SLC12A7: variants seen among roughly 807,000 people sequenced by gnomAD.
SLC12A7 encodes the protein solute carrier family 12 member 7, also known as K-Cl cotransporter 4.
In SLC12A7, 100 loss-of-function variants were observed where a neutral mutation model predicts 120.6. The ratio of observed to expected loss-of-function variants is 0.83; its 90% CI spans 0.71 to 0.98. SLC12A7 has a LOEUF of 0.98. Among genes scored for constraint, SLC12A7 ranks in the 50% least tolerant of loss-of-function variants. The pLI is 0.00. For synonymous variants in SLC12A7, 760 were observed against 678.0 expected, an observed-to-expected ratio of 1.12 and a Z score of -1.88; for missense variants, 1,373 against 1,548.1, an observed-to-expected ratio of 0.89 and a Z score of 1.90.
chr5:1,078,670 C>T, intron 11 of SLC12A7, 31 bp downstream of exon 11: 1 of 1,588,272 alleles, frequency 6.3e-7, no homozygotes, highest in Non-Finnish European at 8.6e-7. Flanking sequence ...AGACTACAGG[C>T]TTTGCACGAA....
At chr5:1,068,521 G>A (rs906374058) in intron 17 of SLC12A7, among the ~76,000 whole-genome samples, 1 of 152,280 alleles carries the variant, frequency 6.6e-6, no homozygotes, top group Non-Finnish European at 1.5e-5. Flanking sequence ...CACGATGGAG[G>A]AGAATACGGC....
At chr5:1,134,197 C>T in the SLC12A7 span, among the ~76,000 whole-genome samples, 1 of 152,144 alleles carries the variant, frequency 6.6e-6, no homozygotes, top group Non-Finnish European at 1.5e-5. Context: ...TGGCTGGGCG[C>T]GGTGGCTCAT....
In SLC12A7 at chr5:1,078,666, C is replaced by G. The variant is rs190520452; in HGVS notation, c.1454+35G>C. 393 of 1,574,170 alleles carry G rather than the reference C, an allele frequency of 2.5e-4. 2 individuals carry two copies. The African/African-American group carries it at 4.5e-3, about 18-fold the overall frequency. On this transcript the variant is annotated intron_variant, in intron 11 of 23. Coordinates refer to ENST00000264930, the MANE Select transcript of SLC12A7 (RefSeq NM_006598.3). Reference sequence around the variant, plus strand: ...TCCTCAGGAAAACCCTTGAAGACTACAGGCTTTGCACGAAAACTGCAGGTG... The same window carrying G: ...TCCTCAGGAAAACCCTTGAAGACTAGAGGCTTTGCACGAAAACTGCAGGTG...
chr5:1,083,924 C>T lies in SLC12A7; in HGVS notation c.950G>A (p.Arg317Gln), dbSNP rs769876235. Residue 317 changes from arginine to glutamine, a missense_variant, in exon 8 of 24, where the codon CGG (arginine) becomes CAG (glutamine). By Grantham distance (43) the Arg-to-Gln change is conservative. Coordinates refer to ENST00000264930, the MANE Select transcript of SLC12A7 (RefSeq NM_006598.3). ...CTTGACGCAGGCATCGAAGCTGCGCCGTGACAGCGTGCGGTTCCCCAGGAG... is the reference window on the plus strand; with the variant it reads ...CTTGACGCAGGCATCGAAGCTGCGCTGTGACAGCGTGCGGTTCCCCAGGAG... Reference protein sequence around the residue: ...VCLLGNRTLSRRSFDACVKAY... With the variant: ...VCLLGNRTLSQRSFDACVKAY... 1.1e-5 allele frequency: 17 copies of T among 1,605,110 alleles called. No individual in the cohort carries two copies. Among genetic ancestry groups the T allele is most frequent in the South Asian group, 4.4e-5 (4 of 90,944 alleles).
chr5:1,074,141 G>A (rs1034135999), intron 16 of SLC12A7, among the ~76,000 whole-genome samples: 14 of 152,074 alleles, frequency 9.2e-5, no homozygotes, highest in African/African-American at 3.1e-4. Context: ...AATGGCCCAG[G>A]ACACACACCT....
At chr5:1,118,596 G>A in the SLC12A7 span, among the ~76,000 whole-genome samples, 1 of 152,260 alleles carries the variant, frequency 6.6e-6, no homozygotes, top group Non-Finnish European at 1.5e-5. Context: ...AAGGTCTTGG[G>A]AAGTTTCCCC....
intron 22 of SLC12A7, among the ~76,000 whole-genome samples, chr5:1,055,990 C>T (rs1451452133): frequency 6.6e-6 from 1 of 152,198 alleles, no homozygotes; most frequent in Non-Finnish European, 1.5e-5. Context: ...AAACATGGCC[C>T]AGGCGGTTAC....
chr5:1,138,852 G>A, the SLC12A7 span, among the ~76,000 whole-genome samples: 2 of 152,186 alleles, frequency 1.3e-5, no homozygotes, highest in Non-Finnish European at 2.9e-5. Flanking sequence ...GGAGCCCCAG[G>A]GTGTCTGTTC....
chr5:1,155,875 C>G, the SLC12A7 span, among the ~76,000 whole-genome samples: 1 of 150,938 alleles, frequency 6.6e-6, no homozygotes, highest in South Asian at 2.1e-4. Flanking sequence ...ATGGTGTCCG[C>G]GACGGCTGCG....
chr5:1,085,100 C>A lies in SLC12A7; in HGVS notation c.917+132G>T, dbSNP rs923740250. The A allele has an allele frequency of 1.5e-5, 20 of 1,313,878 alleles. No homozygotes were observed. In the African/African-American group the frequency reaches 2.5e-4, roughly 17 times the overall value. The allele number at this position is 1,313,878 out of a possible 1,614,324, so 81.4% of individuals were successfully genotyped here. ...CCCAGAACGAGCCCACGGGGGTTCCCGCCACGGTCACACCCAGCCCACCCC... is the reference window on the plus strand; with the variant it reads ...CCCAGAACGAGCCCACGGGGGTTCCAGCCACGGTCACACCCAGCCCACCCC... On this transcript the variant is annotated intron_variant, in intron 7 of 23. Coordinates refer to ENST00000264930, the MANE Select transcript of SLC12A7 (RefSeq NM_006598.3).
At chr5:1,079,021 C>T (rs767615838) in intron 10 of SLC12A7, among the ~76,000 whole-genome samples, 10 of 152,152 alleles carry the variant, frequency 6.6e-5, no homozygotes, top group Non-Finnish European at 1.2e-4. Flanking sequence ...GGTGCTTGAC[C>T]GCCAGGGATT....
Position 1,085,279 on chromosome 5 carries a change from G to T in SLC12A7, c.870C>A (p.Ala290=). 1 of 1,612,584 alleles carries T rather than the reference G, an allele frequency of 6.2e-7. No individual in the cohort carries two copies. Among genetic ancestry groups the T allele is most frequent in the Non-Finnish European group, 8.5e-7 (1 of 1,179,848 alleles). The change falls in exon 7 of 24, where the codon GCC becomes GCA. Residue 290 remains alanine (A), a synonymous_variant. Coordinates refer to ENST00000264930, the MANE Select transcript of SLC12A7 (RefSeq NM_006598.3). ...FLACVVLSIL[A]IYAGVIKSAF... is the part of the protein sequence containing the mutation. ...CAGACTTGATGACGCCGGCATAGAT[G>T]GCCAGGATGGACAGCACGACGCAGG...
At chr5:1,068,257 A>G (rs967163937) in intron 17 of SLC12A7, among the ~76,000 whole-genome samples, 1 of 152,176 alleles carries the variant, frequency 6.6e-6, no homozygotes, top group Non-Finnish European at 1.5e-5. Flanking sequence ...CAATGTGGCG[A>G]AACCCCGTCT....
At chr5:1,075,517 C>T (rs374969121) in intron 14 of SLC12A7, 27 bp from the exon 15 acceptor site, 25 of 1,594,878 alleles carry the variant, frequency 1.6e-5, no homozygotes, top group Middle Eastern at 1.7e-4. Flanking sequence ...TGGCTCGGGG[C>T]GGCCCAACGC....
chr5:1,069,805 TAAG>T (rs1737462380), intron 17 of SLC12A7, among the ~76,000 whole-genome samples: 1 of 152,066 alleles, frequency 6.6e-6, no homozygotes, highest in Non-Finnish European at 1.5e-5. Context: ...AAGCTTCCCA[TAAG>T]AAGTTTGAAA....
Position 1,090,038 on chromosome 5 carries a change from C to A in SLC12A7, c.343-910G>T, listed in dbSNP as rs116740324. 9.9e-3 allele frequency among the ~76,000 whole-genome samples: 1,506 copies of A among 152,392 alleles called. 20 individuals are homozygous for A. Among genetic ancestry groups the A allele is most frequent in the African/African-American group, 0.034 (1,415 of 41,600 alleles). Reference sequence around the variant, plus strand: ...AGGGGGAAGGTTTTATTTGAAGACACTTCCTGTGAACAGTGGCCACAATGT... The same window carrying A: ...AGGGGGAAGGTTTTATTTGAAGACAATTCCTGTGAACAGTGGCCACAATGT... On this transcript the variant is annotated intron_variant, in intron 3 of 23. Coordinates refer to ENST00000264930, the MANE Select transcript of SLC12A7 (RefSeq NM_006598.3).
the SLC12A7 span, among the ~76,000 whole-genome samples, chr5:1,142,995 G>C: frequency 1.8e-4 from 27 of 152,232 alleles, no homozygotes; most frequent in Admixed American, 6.5e-4. Context: ...ATGGTAACGG[G>C]GGCTGAGAGG....
At chr5:1,075,623 G>A in intron 14 of SLC12A7, 133 bp from the exon 15 acceptor site, 1 of 1,350,120 alleles carries the variant, frequency 7.4e-7, no homozygotes, top group Non-Finnish European at 9.9e-7. Flanking sequence ...ACTGACGCCT[G>A]ACGACCATGG....
Position 1,073,756 on chromosome 5 carries a change from C to G in SLC12A7, c.2118G>C (p.Val706=). ...VMLNLDAEQA[V]KHPRLLSFTS... is the part of the protein sequence containing the mutation. ...TGAAGGACAGCAGGCGGGGGTGCTT[C>G]ACGGCCTGCTCCGCGTCCAGGTTCA... is the stretch of plus-strand genomic sequence containing the variant. The change falls in exon 17 of 24, where the codon GTG becomes GTC. Residue 706 remains valine, a synonymous_variant. Coordinates refer to ENST00000264930, the MANE Select transcript of SLC12A7 (RefSeq NM_006598.3). 1 of 1,535,948 alleles carries G rather than the reference C, an allele frequency of 6.5e-7. No individual in the cohort carries two copies. The highest frequency in any genetic ancestry group is 8.8e-7 in the Non-Finnish European group (1 of 1,137,120).
Sources: allele counts gnomAD v4.1 joint callset (sites outside exome capture counted in the v4.1 genomes callset), GRCh38; gene constraint gnomAD v4.1.1; transcripts MANE v1.5; gene names NCBI Gene and HGNC (gene_info 2026-07-23, HGNC 2026-07-21).